MAN1A2: variants seen among roughly 807,000 people sequenced by gnomAD.
The protein encoded by MAN1A2 is mannosyl-oligosaccharide 1,2-alpha-mannosidase IB.
MAN1A2 carries 26 observed loss-of-function variants against 75.7 expected under a neutral mutation model. The ratio of observed to expected loss-of-function variants is 0.34; its 90% CI spans 0.25 to 0.48. The LOEUF (loss-of-function observed/expected upper bound fraction) is 0.48. Ranked by LOEUF, MAN1A2 falls within the 20% of genes least tolerant of loss-of-function variation. The pLI is 0.99. For synonymous variants in MAN1A2, 247 were observed against 264.6 expected (o/e 0.93, Z 0.65); for missense variants, 562 against 775.5 (o/e 0.72, Z 3.27).
At chr1:117,475,234 G>A (rs1650279799) in intron 8 of MAN1A2, among the ~76,000 whole-genome samples, 2 of 151,858 alleles carry the variant, frequency 1.3e-5, no homozygotes, top group South Asian at 4.2e-4. Context: ...ACTTTTTTAA[G>A]GAACTACCAA....
intron 6 of MAN1A2, among the ~76,000 whole-genome samples, chr1:117,454,127 T>G (rs1232848192): frequency 6.6e-6 from 1 of 152,256 alleles, no homozygotes. Flanking sequence ...AACTTTTATA[T>G]ATACTGAGAT....
intron 1 of MAN1A2, among the ~76,000 whole-genome samples, chr1:117,370,397 A>G (rs1289951): frequency 0.21 from 31,371 of 152,058 alleles, 3,816 homozygotes; most frequent in East Asian, 0.39. Flanking sequence ...GAGAATTCAA[A>G]TAGAGTTCAG....
intron 8 of MAN1A2, among the ~76,000 whole-genome samples, chr1:117,486,767 G>A (rs1650716685): frequency 6.6e-6 from 1 of 151,946 alleles, no homozygotes; most frequent in Admixed American, 6.6e-5. Flanking sequence ...TTTCAGAGGA[G>A]ATAACTGAGA....
At chr1:117,522,111 A>G (rs1192684195) in intron 12 of MAN1A2, among the ~76,000 whole-genome samples, 1 of 151,774 alleles carries the variant, frequency 6.6e-6, no homozygotes, top group Non-Finnish European at 1.5e-5. Flanking sequence ...GTGCACCAAA[A>G]TCTCTCAAAT....
intron 3 of MAN1A2, among the ~76,000 whole-genome samples, chr1:117,408,322 A>G (rs904484273): frequency 6.7e-6 from 1 of 149,706 alleles, no homozygotes; most frequent in South Asian, 2.1e-4. Context: ...AAAAAAAAAA[A>G]GCAGAATGAG....
At chr1:117,374,942 A>G (rs1230740649) in intron 1 of MAN1A2, among the ~76,000 whole-genome samples, 1 of 152,210 alleles carries the variant, frequency 6.6e-6, no homozygotes, top group African/African-American at 2.4e-5. Flanking sequence ...TTATTTACAT[A>G]ATATTATTAT....
chr1:117,506,127 A>G (rs1375559844), intron 12 of MAN1A2, among the ~76,000 whole-genome samples: 1 of 142,304 alleles, frequency 7.0e-6, no homozygotes, highest in African/African-American at 2.5e-5. Flanking sequence ...AGGAATGAAG[A>G]TAAGTATGGT....
intron 7 of MAN1A2, among the ~76,000 whole-genome samples, chr1:117,461,716 G>C (rs891903685): frequency 1.4e-4 from 22 of 151,958 alleles, no homozygotes; most frequent in African/African-American, 5.3e-4. Flanking sequence ...TTTATTAAAT[G>C]ATATTGAAGA....
chr1:117,465,490 G>A (rs1165678459), intron 7 of MAN1A2, among the ~76,000 whole-genome samples: 1 of 152,108 alleles, frequency 6.6e-6, no homozygotes, highest in Non-Finnish European at 1.5e-5. Flanking sequence ...AATGAATGAC[G>A]ATGGGAAACC....
At chr1:117,482,604 A>G (rs1212986360) in intron 8 of MAN1A2, among the ~76,000 whole-genome samples, 1 of 151,610 alleles carries the variant, frequency 6.6e-6, no homozygotes, top group Non-Finnish European at 1.5e-5. Flanking sequence ...TTTTTCTTGT[A>G]AATTTGTTTC....
intron 4 of MAN1A2, among the ~76,000 whole-genome samples, chr1:117,415,184 G>A (rs996339752): frequency 3.3e-5 from 5 of 152,024 alleles, no homozygotes; most frequent in Admixed American, 3.3e-4. Flanking sequence ...TGCATTCTTG[G>A]TGTGCGACTT....
intron 6 of MAN1A2, among the ~76,000 whole-genome samples, chr1:117,457,305 C>T (rs1366199413): frequency 6.6e-6 from 1 of 151,938 alleles, no homozygotes; most frequent in Non-Finnish European, 1.5e-5. Flanking sequence ...TACTCAGGTT[C>T]TCTGAGTATA....
At chr1:117,373,912 T>C (rs1417145392) in intron 1 of MAN1A2, among the ~76,000 whole-genome samples, 2 of 58,938 alleles carry the variant, frequency 3.4e-5, no homozygotes, top group Non-Finnish European at 7.2e-5. Context: ...TAAACATTAA[T>C]TGATTTTTTT....
At position 117,498,897 on chromosome 1, in the gene MAN1A2, C is replaced by A. The variant is rs533572665; in HGVS notation, c.1505-485C>A. Among the ~76,000 whole-genome samples, 3 of 151,834 alleles carry A rather than the reference C, an allele frequency of 2.0e-5. No homozygotes were observed. The East Asian group carries it at 5.9e-4, about 30-fold the overall frequency. ...AGTAGTTATTCCAGCTAAATATATA[C>A]TGTAATTATCTACAACTAAATCAAT... On this transcript the variant is annotated intron_variant, in intron 10 of 12. Coordinates refer to ENST00000356554, the MANE Select transcript of MAN1A2 (RefSeq NM_006699.5).
At chr1:117,397,032 C>CT (rs1261148685) in intron 1 of MAN1A2, among the ~76,000 whole-genome samples, 1 of 150,830 alleles carries the variant, frequency 6.6e-6, no homozygotes, top group East Asian at 2.0e-4. Flanking sequence ...GTTAAGTATA[C>CT]TTTTTTTCTA....
Position 117,409,908 on chromosome 1 carries a change from C to T in MAN1A2, c.655+4263C>T, listed in dbSNP as rs180763435. Among the ~76,000 whole-genome samples the T allele has an allele frequency of 2.3e-3, 349 of 152,014 alleles. 4 individuals carry two copies. The highest frequency in any genetic ancestry group is 7.9e-3 in the African/African-American group (328 of 41,512). On this transcript the variant is annotated intron_variant, in intron 3 of 12. Transcript: ENST00000356554. ...TTTTAGTAAATCTTATTGAGTAATACAGTTGTCCTTTGGTATCCATGGAGG... is the reference window on the plus strand; with the variant it reads ...TTTTAGTAAATCTTATTGAGTAATATAGTTGTCCTTTGGTATCCATGGAGG...
At position 117,442,097 on chromosome 1, in the gene MAN1A2, C is replaced by T. The variant is rs968042897; in HGVS notation, c.856-134C>T. The T allele has an allele frequency of 2.7e-5, 14 of 524,460 alleles. No homozygotes were observed. In the African/African-American group the frequency reaches 2.7e-4, roughly 10 times the overall value. 32.5% of individuals were successfully genotyped at this position (524,460 alleles called of 1,614,324 possible). On this transcript the variant is annotated intron_variant, in intron 5 of 12. Transcript: ENST00000356554. ...CTGATTGCCAAATGCTGCCTGGTAC[C>T]AATGAGATGCTTTTTCCTACCCTGT...
At chr1:117,417,323 TA>T (rs1437639723) in intron 4 of MAN1A2, among the ~76,000 whole-genome samples, 8 of 151,810 alleles carry the variant, frequency 5.3e-5, no homozygotes, top group Non-Finnish European at 1.0e-4. Context: ...TTTTAACTAT[TA>T]AGTTTGATAT....
At chr1:117,429,802 G>A (rs1316583534) in intron 5 of MAN1A2, among the ~76,000 whole-genome samples, 2 of 94,206 alleles carry the variant, frequency 2.1e-5, no homozygotes, top group African/African-American at 4.2e-5. Context: ...CTGGCCGGGC[G>A]GGGGGCCGAC....
Sources: allele counts gnomAD v4.1 joint callset (sites outside exome capture counted in the v4.1 genomes callset), GRCh38; gene constraint gnomAD v4.1.1; transcripts MANE v1.5; gene names NCBI Gene and HGNC (gene_info 2026-07-23, HGNC 2026-07-21).